ANKRD18B: variants seen among roughly 807,000 people sequenced by gnomAD.
The protein encoded by ANKRD18B is ankyrin repeat domain-containing protein 18B.
Under a neutral mutation model 111.8 loss-of-function variants are expected in ANKRD18B, and 75 were observed. That is an observed-to-expected ratio of 0.67 (90% CI 0.56 to 0.81). The LOEUF is 0.81. Ranked by LOEUF, ANKRD18B falls within the 40% of genes least tolerant of loss-of-function variation. The pLI is 0.00. For synonymous variants in ANKRD18B, 356 were observed against 417.3 expected, an observed-to-expected ratio of 0.85 and a Z score of 1.79; for missense variants, 1,038 against 1,225.5, an observed-to-expected ratio of 0.85 and a Z score of 2.28.
intron 12 of ANKRD18B, among the ~76,000 whole-genome samples, chr9:33,554,872 A>T (rs1040589363): frequency 3.9e-5 from 6 of 152,110 alleles, no homozygotes; most frequent in African/African-American, 1.4e-4. Flanking sequence ...GAAAGCACGG[A>T]TACAGAGGCA....
In ANKRD18B at chr9:33,548,573, G is replaced by A; in HGVS notation, c.1785G>A (p.Met595Ile). 6.4e-7 allele frequency: 1 copy of A among 1,551,314 alleles called. No individual in the cohort carries two copies. The highest frequency in any genetic ancestry group is 8.7e-7 in the Non-Finnish European group (1 of 1,146,664). Residue 595 changes from methionine to isoleucine, a missense_variant, in exon 11 of 19, where the codon ATG becomes ATA. Transcript: ENST00000684830. ...ATCGAATAAAGGAAATGAAGCAGAT[G>A]CATCCAAATGGGGAAGCTAAAGAAA... ...AQHRIKEMKQ[M>I]HPNGEAKESQ...
At position 33,572,677 on chromosome 9, in the gene ANKRD18B, A is replaced by C; in HGVS notation, c.*243A>C. ...GAATGTCAGCTGTTTAAACAGCCAA[A>C]CAACCAAGTCATCATTGATACTGTA... On this transcript the variant is annotated 3_prime_UTR_variant, in exon 19 of 19. Coordinates refer to ENST00000684830, the MANE Select transcript of ANKRD18B (RefSeq NM_001393611.1). The C allele has an allele frequency of 9.0e-7, 1 of 1,115,550 alleles. No homozygotes were observed. The highest frequency in any genetic ancestry group is 1.1e-6 in the Non-Finnish European group (1 of 912,382). The allele number at this position is 1,115,550 out of a possible 1,614,324, so 69.1% of individuals were successfully genotyped here.
intron 12 of ANKRD18B, among the ~76,000 whole-genome samples, chr9:33,555,267 G>A (rs1448973942): frequency 2.6e-5 from 4 of 152,156 alleles, no homozygotes; most frequent in Admixed American, 1.3e-4. Context: ...CAGCCTGAAG[G>A]TAGATGAGGA....
intron 3 of ANKRD18B, 53 bp from the exon 4 acceptor site, chr9:33,533,386 A>G (rs1828144531): frequency 3.3e-6 from 5 of 1,500,124 alleles, no homozygotes; most frequent in Non-Finnish European, 4.4e-6. Context: ...TTTTTAGTTC[A>G]GTGGAGAAAT....
chr9:33,524,718 T>C (rs901533999), intron 1 of ANKRD18B, 23 bp downstream of exon 1: 35 of 1,543,616 alleles, frequency 2.3e-5, no homozygotes, highest in Non-Finnish European at 2.9e-5. Flanking sequence ...CAGCCCTCGG[T>C]GGGAGGGGGC....
chr9:33,543,339 T>G (rs1243235894), intron 10 of ANKRD18B, 84 bp downstream of exon 10: 1 of 1,083,452 alleles, frequency 9.2e-7, no homozygotes, highest in East Asian at 2.7e-5. Flanking sequence ...TGAAGTGACC[T>G]TTTAGACTAT....
At chr9:33,524,978 G>A (rs1196711932) in intron 1 of ANKRD18B, among the ~76,000 whole-genome samples, 10 of 152,232 alleles carry the variant, frequency 6.6e-5, no homozygotes, top group Admixed American at 5.9e-4. Flanking sequence ...AATACCATGA[G>A]CCATTTTCAG....
Position 33,572,460 on chromosome 9 carries a change from C to T in ANKRD18B, c.*26C>T, listed in dbSNP as rs1828795592. The T allele has an allele frequency of 6.8e-7, 1 of 1,463,498 alleles. No homozygotes were observed. Among genetic ancestry groups the T allele is most frequent in the African/African-American group, 1.4e-5 (1 of 70,020 alleles). The allele number at this position is 1,463,498 out of a possible 1,614,324, so 90.7% of individuals were successfully genotyped here. On this transcript the variant is annotated 3_prime_UTR_variant, in exon 19 of 19. Transcript: ENST00000684830. ...AAGATCATAAAACTTTATTACTGGG[C>T]TATTTACATGAAATTTTAATTGTTT...
intron 14 of ANKRD18B, among the ~76,000 whole-genome samples, chr9:33,563,944 T>A (rs1587275896): frequency 1.3e-5 from 2 of 152,168 alleles, no homozygotes; most frequent in Non-Finnish European, 2.9e-5. Flanking sequence ...TCTATGAGCT[T>A]TTTTGTTGTT....
intron 6 of ANKRD18B, among the ~76,000 whole-genome samples, chr9:33,537,994 GT>G (rs1258150755): frequency 2.0e-5 from 3 of 152,252 alleles, no homozygotes; most frequent in Non-Finnish European, 4.4e-5. Context: ...GAAGAAAATG[GT>G]TGGTTTTGCT....
chr9:33,524,723 G>T (rs995837347), intron 1 of ANKRD18B, 28 bp downstream of exon 1: 1 of 1,541,204 alleles, frequency 6.5e-7, no homozygotes, highest in African/African-American at 1.4e-5. Context: ...CTCGGTGGGA[G>T]GGGGCCCCCA....
chr9:33,545,112 C>T (rs1490419852), intron 10 of ANKRD18B, among the ~76,000 whole-genome samples: 1 of 152,138 alleles, frequency 6.6e-6, no homozygotes, highest in African/African-American at 2.4e-5. Context: ...CTCTGGGTCC[C>T]TCCAACACAC....
rs10971562 is a variant in ANKRD18B at position 33,555,697 on chromosome 9, T to C, written c.2218-11T>C. On this transcript the variant is annotated splice_polypyrimidine_tract_variant and intron_variant, in intron 12 of 18. Coordinates refer to ENST00000684830, the MANE Select transcript of ANKRD18B (RefSeq NM_001393611.1). ...ATTTTACAAAAATAATTTTAAACAC[T>C]TTTTTTCAAGCCTGAAGAAAAACAT... 0.091 allele frequency: 124,842 copies of C among 1,369,112 alleles called. 5,867 individuals carry two copies. Among genetic ancestry groups the C allele is most frequent in the South Asian group, 0.098 (5,248 of 53,756 alleles). The allele number at this position is 1,369,112 out of a possible 1,614,324, so 84.8% of individuals were successfully genotyped here. A position where few individuals can be genotyped will look rare whatever the true frequency, so the allele number is the denominator to read the frequency against.
At chr9:33,534,104 A>G (rs1163495324) in intron 4 of ANKRD18B, among the ~76,000 whole-genome samples, 1 of 152,102 alleles carries the variant, frequency 6.6e-6, no homozygotes, top group Non-Finnish European at 1.5e-5. Flanking sequence ...TTGGCCATCA[A>G]AGGACTATAA....
In ANKRD18B at chr9:33,548,840, A is replaced by T. The variant is rs1396372886; in HGVS notation, c.2052A>T (p.Glu684Asp). 1 of 1,491,236 alleles carries T rather than the reference A, an allele frequency of 6.7e-7. No homozygotes were observed. The highest frequency in any genetic ancestry group is 2.5e-5 in the East Asian group (1 of 40,214). 92.4% of individuals were successfully genotyped at this position (1,491,236 alleles called of 1,614,324 possible). A position where few individuals can be genotyped will look rare whatever the true frequency, so the allele number is the denominator to read the frequency against. ...AAAAACTGCTTCAGTATGAAAAAGA[A>T]AAAGCAGAAAGAGAAGTAAGTATGA... is the stretch of plus-strand genomic sequence containing the variant. ...LKEKLLQYEK[E>D]KAEREVIVRE... Residue 684 changes from glutamate (E) to aspartate (D), a missense_variant, in exon 11 of 19, where the codon GAA becomes GAT. Glu to Asp is a conservative substitution (Grantham distance 45). Coordinates refer to ENST00000684830, the MANE Select transcript of ANKRD18B (RefSeq NM_001393611.1).
chr9:33,557,556 A>G (rs962938950), intron 13 of ANKRD18B, among the ~76,000 whole-genome samples: 1 of 152,216 alleles, frequency 6.6e-6, no homozygotes, highest in Non-Finnish European at 1.5e-5. Context: ...TGGGAGGCCA[A>G]GGCAGGTAGA....
intron 3 of ANKRD18B, among the ~76,000 whole-genome samples, chr9:33,530,976 A>G (rs184628838): frequency 6.6e-6 from 1 of 152,152 alleles, no homozygotes; most frequent in Non-Finnish European, 1.5e-5. Context: ...TCAGTAGCAA[A>G]TCTTGAACCT....
At chr9:33,568,640 T>C in intron 16 of ANKRD18B, 31 bp from the exon 17 acceptor site, 1 of 1,464,482 alleles carries the variant, frequency 6.8e-7, no homozygotes. Flanking sequence ...TAAAATGAAA[T>C]ACTAAGCATT....
intron 10 of ANKRD18B, among the ~76,000 whole-genome samples, chr9:33,546,389 G>A (rs887378667): frequency 5.3e-5 from 8 of 152,084 alleles, no homozygotes; most frequent in African/African-American, 1.9e-4. Context: ...CCACTCCAAT[G>A]TTTCTGTTGA....
Sources: gnomAD v4.1 joint callset for allele counts (sites outside exome capture counted in the v4.1 genomes callset) on GRCh38, gnomAD v4.1.1 for gene constraint, MANE v1.5 for transcripts, NCBI Gene and HGNC (gene_info 2026-07-23, HGNC 2026-07-21) for gene names.